Variants in ALDH1A2 observed in about 807,000 individuals in gnomAD.
ALDH1A2 encodes the protein aldehyde dehydrogenase 1 family member A2, also known as retinal dehydrogenase 2.
Under a neutral mutation model 60.3 loss-of-function variants are expected in ALDH1A2, and 27 were observed. The ratio of observed to expected loss-of-function variants is 0.45; its 90% CI spans 0.33 to 0.62. The LOEUF is 0.62. ALDH1A2 is among the 20% of genes least tolerant of loss of function. ALDH1A2 has a pLI of 0.02. For synonymous variants in ALDH1A2, 289 were observed against 232.4 expected, an observed-to-expected ratio of 1.24 and a Z score of -2.21; for missense variants, 581 against 643.8, an observed-to-expected ratio of 0.90 and a Z score of 1.06.
At chr15:58,005,025 T>C (rs1220523430) in intron 4 of ALDH1A2, among the ~76,000 whole-genome samples, 2 of 151,864 alleles carry the variant, frequency 1.3e-5, no homozygotes, top group Admixed American at 1.3e-4. Context: ...CTATTTAATT[T>C]GGTGACTCAC....
At position 57,955,078 on chromosome 15, in the gene ALDH1A2, C is replaced by G; in HGVS notation, c.*119G>C. ...GTGACCTGCCTGGCCTACATGTTAT[C>G]TTTTCAATCTTTAAGTAAGGACCGT... On this transcript the variant is annotated 3_prime_UTR_variant, in exon 13 of 13. Transcript: ENST00000249750. 8.8e-7 allele frequency: 1 copy of G among 1,140,378 alleles called. No individual in the cohort carries two copies. The highest frequency in any genetic ancestry group is 1.3e-6 in the Non-Finnish European group (1 of 748,960). The allele number at this position is 1,140,378 out of a possible 1,614,324, so 70.6% of individuals were successfully genotyped here.
intron 1 of ALDH1A2, among the ~76,000 whole-genome samples, chr15:58,045,480 A>G (rs1896615282): frequency 6.6e-6 from 1 of 152,158 alleles, no homozygotes; most frequent in South Asian, 2.1e-4. Context: ...AATAGCAAAG[A>G]CTTGGAACCA....
chr15:57,996,503 CT>C (rs76510714), intron 4 of ALDH1A2, among the ~76,000 whole-genome samples: 1,868 of 139,416 alleles, frequency 0.013, 20 homozygotes, highest in East Asian at 0.033. Context: ...GTTTTTCCCT[CT>C]TTTTTTTTTT....
chr15:58,040,812 C>T (rs914671360), intron 1 of ALDH1A2, among the ~76,000 whole-genome samples: 1 of 151,974 alleles, frequency 6.6e-6, no homozygotes, highest in Middle Eastern at 3.4e-3. Flanking sequence ...TATTTACAGG[C>T]TCTAGACACT....
intron 1 of ALDH1A2, among the ~76,000 whole-genome samples, chr15:58,027,046 A>G (rs1392048525): frequency 1.3e-5 from 2 of 152,178 alleles, no homozygotes; most frequent in Non-Finnish European, 2.9e-5. Context: ...ACGGTGTTTG[A>G]GCTATGAGAA....
At chr15:57,958,150 A>G (rs1050994152) in intron 12 of ALDH1A2, among the ~76,000 whole-genome samples, 12 of 152,212 alleles carry the variant, frequency 7.9e-5, no homozygotes, top group Non-Finnish European at 1.6e-4. Context: ...CTAGATACGC[A>G]TGCTTAACAA....
At chr15:58,059,024 G>C (rs1896960890) in intron 1 of ALDH1A2, among the ~76,000 whole-genome samples, 1 of 152,142 alleles carries the variant, frequency 6.6e-6, no homozygotes, top group South Asian at 2.1e-4. Context: ...TGATCCAACA[G>C]AGACTTGTTG....
chr15:58,020,843 T>C (rs564788095), intron 1 of ALDH1A2, among the ~76,000 whole-genome samples: 87 of 152,336 alleles, frequency 5.7e-4, no homozygotes, highest in African/African-American at 2.0e-3. Flanking sequence ...GAGAAAGCCA[T>C]GCTGAAATTT....
intron 7 of ALDH1A2, 114 bp downstream of exon 7, chr15:57,992,591 G>T: frequency 2.2e-6 from 2 of 928,538 alleles, no homozygotes; most frequent in East Asian, 2.5e-5. Context: ...TTGTGGGCTT[G>T]GGTACTCACT....
chr15:57,959,457 G>A (rs1372188420), intron 12 of ALDH1A2, among the ~76,000 whole-genome samples: 1 of 152,198 alleles, frequency 6.6e-6, no homozygotes, highest in Non-Finnish European at 1.5e-5. Flanking sequence ...AGAAGTTGGT[G>A]ACACCAGCTG....
intron 7 of ALDH1A2, among the ~76,000 whole-genome samples, chr15:57,984,332 C>T (rs573474441): frequency 1.1e-4 from 17 of 152,136 alleles, no homozygotes; most frequent in Non-Finnish European, 1.9e-4. Context: ...AATGTAAAGC[C>T]TTTAATACTT....
At chr15:58,021,486 G>A (rs559509942) in intron 1 of ALDH1A2, among the ~76,000 whole-genome samples, 4 of 152,228 alleles carry the variant, frequency 2.6e-5, no homozygotes, top group South Asian at 2.1e-4. Context: ...CATCCCCACC[G>A]TGGAATTGTG....
intron 1 of ALDH1A2, among the ~76,000 whole-genome samples, chr15:58,017,201 A>T (rs752138048): frequency 6.6e-6 from 1 of 152,206 alleles, no homozygotes; most frequent in Non-Finnish European, 1.5e-5. Context: ...GAAGGACTTC[A>T]TCATTTAGTA....
intron 1 of ALDH1A2, among the ~76,000 whole-genome samples, chr15:58,059,938 T>G (rs1375563310): frequency 6.6e-6 from 1 of 152,202 alleles, no homozygotes; most frequent in Non-Finnish European, 1.5e-5. Context: ...TATAATTTTT[T>G]TGAGATGAAG....
At chr15:58,032,369 G>C (rs192174799) in intron 1 of ALDH1A2, among the ~76,000 whole-genome samples, 35 of 152,190 alleles carry the variant, frequency 2.3e-4, no homozygotes, top group Admixed American at 5.9e-4. Flanking sequence ...GTGGGGGAAG[G>C]GGGTAGGGAT....
intron 1 of ALDH1A2, 84 bp from the exon 2 acceptor site, chr15:58,014,365 G>T: frequency 1.0e-6 from 1 of 987,308 alleles, no homozygotes; most frequent in South Asian, 1.3e-5. Context: ...AACTACTATG[G>T]TAATAACACT....
intron 4 of ALDH1A2, among the ~76,000 whole-genome samples, chr15:58,006,023 ATT>A (rs34604016): frequency 0.019 from 2,897 of 148,620 alleles, 79 homozygotes; most frequent in African/African-American, 0.063. Context: ...CAAAGCAGGG[ATT>A]TTTTTTTTTT....
At chr15:57,996,566 C>A (rs1895072437) in intron 4 of ALDH1A2, among the ~76,000 whole-genome samples, 1 of 148,776 alleles carries the variant, frequency 6.7e-6, no homozygotes, top group African/African-American at 2.5e-5. Context: ...ATTCCATGGG[C>A]TCAATAAACA....
intron 4 of ALDH1A2, 127 bp from the exon 5 acceptor site, chr15:57,995,266 T>C: frequency 1.4e-6 from 1 of 708,102 alleles, no homozygotes. Context: ...AAAAACATCC[T>C]ACTCAACCGT....
Sources: allele counts gnomAD v4.1 joint callset (sites outside exome capture counted in the v4.1 genomes callset), GRCh38; gene constraint gnomAD v4.1.1; transcripts MANE v1.5; gene names NCBI Gene and HGNC (gene_info 2026-07-23, HGNC 2026-07-21).